Variants in KDM2B observed in about 807,000 individuals in gnomAD.
The protein encoded by KDM2B is lysine demethylase 2B.
Under a neutral mutation model 150.0 loss-of-function variants are expected in KDM2B, and 26 were observed. The ratio of observed to expected loss-of-function variants is 0.17; its 90% CI spans 0.13 to 0.24. The LOEUF is 0.24. Ranked by LOEUF, KDM2B falls within the 10% of genes least tolerant of loss-of-function variation. KDM2B has a pLI of 1.00. For missense variants in KDM2B, 1,265 were observed against 1,816.9 expected (o/e 0.70, Z 5.52); for synonymous variants, 734 against 729.5 (o/e 1.01, Z -0.10).
chr12:121,502,814 A>ATGCC (rs1202689103), intron 11 of KDM2B, among the ~76,000 whole-genome samples: 2 of 149,750 alleles, frequency 1.3e-5, no homozygotes, highest in Non-Finnish European at 3.0e-5. Context: ...ATGGTATCGC[A>ATGCC]TGCCTGTAGT....
intron 6 of KDM2B, among the ~76,000 whole-genome samples, chr12:121,547,730 C>T (rs1220067561): frequency 2.6e-5 from 4 of 151,100 alleles, no homozygotes; most frequent in African/African-American, 9.8e-5. Context: ...GCAACCTTCG[C>T]CTCCCAGGTT....
chr12:121,449,062 G>A (rs1555290979), intron 13 of KDM2B, among the ~76,000 whole-genome samples: 1 of 152,172 alleles, frequency 6.6e-6, no homozygotes. Context: ...ACAGGGTGAA[G>A]CACGGCCCAC....
At chr12:121,551,055 A>G (rs1173544940) in intron 4 of KDM2B, among the ~76,000 whole-genome samples, 1 of 151,956 alleles carries the variant, frequency 6.6e-6, no homozygotes, top group Non-Finnish European at 1.5e-5. Flanking sequence ...GTAAGTATTT[A>G]CTCTCTGGCA....
At chr12:121,441,492 AGTG>A (rs1875036784) in intron 19 of KDM2B, among the ~76,000 whole-genome samples, 1 of 152,136 alleles carries the variant, frequency 6.6e-6, no homozygotes, top group African/African-American at 2.4e-5. Context: ...GCTGGTGTGT[AGTG>A]GTGCAATCTC....
chr12:121,466,618 C>A (rs1345214451), intron 12 of KDM2B, among the ~76,000 whole-genome samples: 3 of 151,302 alleles, frequency 2.0e-5, no homozygotes, highest in Admixed American at 6.6e-5. Context: ...CCACGGCGGG[C>A]GGCGGGCGCG....
At chr12:121,532,555 T>C (rs1402692223) in intron 8 of KDM2B, among the ~76,000 whole-genome samples, 1 of 152,194 alleles carries the variant, frequency 6.6e-6, no homozygotes, top group Non-Finnish European at 1.5e-5. Context: ...GCACAGGGAT[T>C]CGAGTCTCCC....
At chr12:121,454,310 T>TC in intron 12 of KDM2B, among the ~76,000 whole-genome samples, 3 of 152,314 alleles carry the variant, frequency 2.0e-5, no homozygotes, top group East Asian at 3.9e-4. Context: ...GATGGGATAG[T>TC]AACCTTTAGG....
At chr12:121,552,131 AC>A (rs1889549857) in intron 4 of KDM2B, among the ~76,000 whole-genome samples, 1 of 152,190 alleles carries the variant, frequency 6.6e-6, no homozygotes, top group African/African-American at 2.4e-5. Context: ...GTGTGTCAGC[AC>A]AGGCGGGTTC....
At position 121,444,117 on chromosome 12, in the gene KDM2B, C is replaced by T. The variant is rs544791805; in HGVS notation, c.2346G>A (p.Ser782=). Residue 782 remains serine, a synonymous_variant, in exon 16 of 23, where the codon TCG becomes TCA. Transcript: ENST00000377071. The stretch of plus-strand genomic sequence containing the variant: ...GAAGGCCGTCCGGCGGCACCTTCTT[C>T]GAGTGCTCATCCGACCTGCGCCGGG... The part of the protein sequence containing the change: ...EAPRRRSDEH[S]KKVPPDGLLR... The T allele has an allele frequency of 8.1e-6, 13 of 1,613,426 alleles. No individual in the cohort carries two copies. Among genetic ancestry groups the T allele is most frequent in the South Asian group, 5.5e-5 (5 of 91,090 alleles).
chr12:121,576,125 A>G (rs1258168014), intron 2 of KDM2B, among the ~76,000 whole-genome samples: 1 of 152,138 alleles, frequency 6.6e-6, no homozygotes, highest in African/African-American at 2.4e-5. Flanking sequence ...CTTGTCAATG[A>G]ACAGCCCAAG....
chr12:121,420,077 A>C, the KDM2B span: 1 of 559,608 alleles, frequency 1.8e-6, no homozygotes, highest in Non-Finnish European at 3.2e-6. Context: ...TCTTCATGCA[A>C]TTTTGTAGGG....
intron 12 of KDM2B, among the ~76,000 whole-genome samples, chr12:121,466,160 T>C (rs1304813847): frequency 6.6e-6 from 1 of 152,138 alleles, no homozygotes; most frequent in African/African-American, 2.4e-5. Context: ...TTACCACATT[T>C]TGGCTGGGTC....
At chr12:121,535,195 G>T (rs1397906639) in intron 6 of KDM2B, among the ~76,000 whole-genome samples, 1 of 136,372 alleles carries the variant, frequency 7.3e-6, no homozygotes, top group Non-Finnish European at 1.6e-5. Flanking sequence ...CAATGCACAG[G>T]AAAAGTTAAA....
At chr12:121,471,895 G>A (rs1422578924) in intron 12 of KDM2B, among the ~76,000 whole-genome samples, 3 of 152,184 alleles carry the variant, frequency 2.0e-5, no homozygotes, top group Non-Finnish European at 2.9e-5. Context: ...GGCTTTGGGC[G>A]TGGATCACTT....
intron 12 of KDM2B, among the ~76,000 whole-genome samples, chr12:121,481,145 G>C (rs1555297806): frequency 3.3e-5 from 5 of 151,850 alleles, no homozygotes; most frequent in Non-Finnish European, 7.4e-5. Flanking sequence ...TGGTCAGGCT[G>C]GTCTCCAATT....
intron 12 of KDM2B, among the ~76,000 whole-genome samples, chr12:121,483,754 T>C (rs1439796099): frequency 2.0e-5 from 3 of 147,254 alleles, no homozygotes; most frequent in Non-Finnish European, 4.5e-5. Flanking sequence ...AAATGCAGAG[T>C]AGAATGCAGA....
intron 12 of KDM2B, among the ~76,000 whole-genome samples, chr12:121,485,621 G>A (rs1383101125): frequency 6.6e-6 from 1 of 151,990 alleles, no homozygotes; most frequent in Non-Finnish European, 1.5e-5. Flanking sequence ...GGCAGTGGGA[G>A]GGGAGAACGG....
chr12:121,530,125 A>G (rs1490931029), intron 8 of KDM2B, among the ~76,000 whole-genome samples: 2 of 133,816 alleles, frequency 1.5e-5, no homozygotes, highest in South Asian at 2.5e-4. Flanking sequence ...CTATTCGGGA[A>G]GCTGAGGCAG....
chr12:121,414,683 G>T, the KDM2B span, among the ~76,000 whole-genome samples: 13 of 151,510 alleles, frequency 8.6e-5, no homozygotes, highest in Non-Finnish European at 2.9e-5. Flanking sequence ...TGTTGTTGTT[G>T]TTTTTTCGAG....
Sources: gnomAD v4.1 joint callset for allele counts (sites outside exome capture counted in the v4.1 genomes callset) on GRCh38, gnomAD v4.1.1 for gene constraint, MANE v1.5 for transcripts, NCBI Gene and HGNC (gene_info 2026-07-23, HGNC 2026-07-21) for gene names.